FTCDNL1: variants seen among roughly 807,000 people sequenced by gnomAD.
The protein encoded by FTCDNL1 is formiminotransferase N-terminal subdomain-containing protein.
In FTCDNL1, 11 loss-of-function variants were observed where a neutral mutation model predicts 5.9. That is an observed-to-expected ratio of 1.87 (90% CI 1.18 to 3.10). The LOEUF (loss-of-function observed/expected upper bound fraction) is 3.10, where lower values mean the gene tolerates loss of function less well. FTCDNL1 is among the 30% of genes most tolerant of loss of function. The probability of loss-of-function intolerance (pLI) is 0.00; values close to 1 mark genes in which losing one functional copy is unlikely to be tolerated. For synonymous variants in FTCDNL1, 58 were observed against 24.8 expected (o/e 2.34, Z -3.99); for missense variants, 115 against 65.5 (o/e 1.76, Z -2.61).
the FTCDNL1 span, among the ~76,000 whole-genome samples, chr2:199,716,380 T>C: frequency 6.6e-6 from 1 of 152,220 alleles, no homozygotes; most frequent in Non-Finnish European, 1.5e-5. Context: ...CGGTTCCCTG[T>C]ATCCTCATTT....
the FTCDNL1 span, among the ~76,000 whole-genome samples, chr2:199,755,490 C>T: frequency 6.6e-6 from 1 of 152,190 alleles, no homozygotes; most frequent in Non-Finnish European, 1.5e-5. Context: ...TTTATGTGAT[C>T]TTGGGCAAGT....
At chr2:199,725,011 G>A in the FTCDNL1 span, among the ~76,000 whole-genome samples, 582 of 152,176 alleles carry the variant, frequency 3.8e-3, 3 homozygotes, top group African/African-American at 0.013. Flanking sequence ...TTATGCAGGC[G>A]TCTAAGTCTC....
the FTCDNL1 span, among the ~76,000 whole-genome samples, chr2:199,687,114 T>C: frequency 6.6e-6 from 1 of 152,316 alleles, no homozygotes; most frequent in East Asian, 1.9e-4. Context: ...CCATTTTAAA[T>C]TACAGAACCT....
the FTCDNL1 span, among the ~76,000 whole-genome samples, chr2:199,712,211 A>C: frequency 6.6e-6 from 1 of 152,178 alleles, no homozygotes; most frequent in Non-Finnish European, 1.5e-5. Flanking sequence ...TTTTATTCAA[A>C]ATTGATTAAT....
At chr2:199,732,908 C>CT in the FTCDNL1 span, among the ~76,000 whole-genome samples, 8 of 152,196 alleles carry the variant, frequency 5.3e-5, no homozygotes, top group Admixed American at 5.2e-4. Flanking sequence ...AATAATAATT[C>CT]TTTTTTTATT....
At chr2:199,786,827 A>G (rs1699674473) in intron 3 of FTCDNL1, among the ~76,000 whole-genome samples, 1 of 152,184 alleles carries the variant, frequency 6.6e-6, no homozygotes, top group Non-Finnish European at 1.5e-5. Flanking sequence ...GGAACCACAC[A>G]AATTTGTTAT....
At chr2:199,748,636 T>C in the FTCDNL1 span, among the ~76,000 whole-genome samples, 1 of 152,194 alleles carries the variant, frequency 6.6e-6, no homozygotes, top group Non-Finnish European at 1.5e-5. Flanking sequence ...CAGTCCGTTA[T>C]CTATACTATT....
the FTCDNL1 span, among the ~76,000 whole-genome samples, chr2:199,743,420 C>T: frequency 6.6e-6 from 1 of 152,204 alleles, no homozygotes; most frequent in Non-Finnish European, 1.5e-5. Flanking sequence ...CCTGAACATC[C>T]AAAACCAGAC....
At chr2:199,800,800 AT>A (rs1353769607) in intron 3 of FTCDNL1, among the ~76,000 whole-genome samples, 1 of 152,246 alleles carries the variant, frequency 6.6e-6, no homozygotes, top group Non-Finnish European at 1.5e-5. Context: ...CTTGATAGCT[AT>A]ATCACAGATT....
intron 3 of FTCDNL1, among the ~76,000 whole-genome samples, chr2:199,780,581 A>G (rs1349184609): frequency 6.6e-6 from 1 of 152,212 alleles, no homozygotes; most frequent in Non-Finnish European, 1.5e-5. Context: ...AAACCAGCCC[A>G]TCTCTTCCTC....
At chr2:199,720,178 C>T in the FTCDNL1 span, among the ~76,000 whole-genome samples, 18 of 152,098 alleles carry the variant, frequency 1.2e-4, no homozygotes, top group Non-Finnish European at 2.4e-4. Context: ...AGGGATAATG[C>T]GATTTCCTCT....
intron 3 of FTCDNL1, among the ~76,000 whole-genome samples, chr2:199,797,644 G>C (rs1041518059): frequency 1.3e-5 from 2 of 152,214 alleles, no homozygotes; most frequent in African/African-American, 4.8e-5. Flanking sequence ...GATTACATTT[G>C]AGGACACTGA....
chr2:199,768,147 T>C (rs1698624959), intron 3 of FTCDNL1, among the ~76,000 whole-genome samples: 1 of 152,214 alleles, frequency 6.6e-6, no homozygotes, highest in Non-Finnish European at 1.5e-5. Flanking sequence ...TGAAAAGAGA[T>C]GTAAGACATG....
chr2:199,778,305 G>A (rs2106317061), intron 3 of FTCDNL1, among the ~76,000 whole-genome samples: 1 of 152,272 alleles, frequency 6.6e-6, no homozygotes, highest in East Asian at 1.9e-4. Context: ...CTAAAATCCA[G>A]TACATTTCTA....
At chr2:199,841,735 T>C (rs1478004480) in intron 3 of FTCDNL1, among the ~76,000 whole-genome samples, 4 of 152,254 alleles carry the variant, frequency 2.6e-5, no homozygotes, top group African/African-American at 9.6e-5. Flanking sequence ...ACCACACCAC[T>C]GCTCTGTCCC....
chr2:199,666,186 A>G, the FTCDNL1 span, among the ~76,000 whole-genome samples: 1 of 152,260 alleles, frequency 6.6e-6, no homozygotes, highest in Admixed American at 6.5e-5. Context: ...GCATATAACA[A>G]GTGTTCAATA....
At chr2:199,764,857 C>T (rs561102371) in intron 3 of FTCDNL1, among the ~76,000 whole-genome samples, 3 of 152,306 alleles carry the variant, frequency 2.0e-5, no homozygotes, top group African/African-American at 7.2e-5. Flanking sequence ...TCTCCTCCTG[C>T]ACCCGCTTCC....
intron 3 of FTCDNL1, among the ~76,000 whole-genome samples, chr2:199,784,390 G>A (rs1699530686): frequency 6.6e-6 from 1 of 152,142 alleles, no homozygotes. Context: ...GGCTCTCAGT[G>A]CTCTATCTCA....
At chr2:199,702,224 C>T in the FTCDNL1 span, among the ~76,000 whole-genome samples, 3 of 152,016 alleles carry the variant, frequency 2.0e-5, no homozygotes, top group African/African-American at 7.3e-5. Flanking sequence ...GTACATCAAA[C>T]CCCCGTGACA....
Sources: gnomAD v4.1 joint callset for allele counts (sites outside exome capture counted in the v4.1 genomes callset) on GRCh38, gnomAD v4.1.1 for gene constraint, MANE v1.5 for transcripts, NCBI Gene and HGNC (gene_info 2026-07-23, HGNC 2026-07-21) for gene names.